SCFD2: variants seen among roughly 807,000 people sequenced by gnomAD.
SCFD2 encodes the protein sec1 family domain containing 2.
Under a neutral mutation model 58.9 loss-of-function variants are expected in SCFD2, and 54 were observed. The observed-to-expected ratio is 0.92, with a 90% CI of 0.74 to 1.15. The LOEUF is 1.15. Among genes scored for constraint, SCFD2 ranks in the 50% most tolerant of loss-of-function variants. SCFD2 has a pLI of 0.00. For missense variants in SCFD2, 805 were observed against 836.6 expected (o/e 0.96, Z 0.47); for synonymous variants, 321 against 335.9 (o/e 0.96, Z 0.49).
chr4:52,996,894 A>G (rs1721752652), intron 5 of SCFD2, among the ~76,000 whole-genome samples: 1 of 152,234 alleles, frequency 6.6e-6, no homozygotes, highest in African/African-American at 2.4e-5. Flanking sequence ...TATTGGAAAC[A>G]CCACTCACTG....
intron 6 of SCFD2, among the ~76,000 whole-genome samples, chr4:52,916,379 C>T (rs181743018): frequency 1.3e-5 from 2 of 152,300 alleles, no homozygotes; most frequent in East Asian, 1.9e-4. Flanking sequence ...AGACCAGCCT[C>T]GCCAACATGG....
intron 5 of SCFD2, among the ~76,000 whole-genome samples, chr4:53,063,200 A>G (rs1437554120): frequency 1.3e-5 from 2 of 152,168 alleles, no homozygotes; most frequent in Non-Finnish European, 2.9e-5. Context: ...TATTTGGAAT[A>G]ATGCCTCTGT....
At chr4:53,239,254 T>G (rs1341358641) in intron 4 of SCFD2, among the ~76,000 whole-genome samples, 4 of 151,450 alleles carry the variant, frequency 2.6e-5, no homozygotes, top group South Asian at 2.1e-4. Flanking sequence ...GCAGGCTGAG[T>G]CAGGAGAGTC....
intron 5 of SCFD2, among the ~76,000 whole-genome samples, chr4:53,026,753 A>G (rs1306398532): frequency 1.3e-5 from 2 of 152,174 alleles, no homozygotes; most frequent in Non-Finnish European, 2.9e-5. Flanking sequence ...CCATTACTTG[A>G]AGGTCACTCT....
intron 2 of SCFD2, among the ~76,000 whole-genome samples, chr4:53,344,017 C>A (rs1218610794): frequency 6.6e-6 from 1 of 152,164 alleles, no homozygotes; most frequent in East Asian, 1.9e-4. Flanking sequence ...AAACTGGAAG[C>A]ATTCCCTTTG....
At chr4:53,248,797 C>A (rs1730225339) in intron 4 of SCFD2, among the ~76,000 whole-genome samples, 1 of 152,190 alleles carries the variant, frequency 6.6e-6, no homozygotes, top group Non-Finnish European at 1.5e-5. Context: ...CACCAAAAAC[C>A]CATCTGTACA....
chr4:53,164,353 C>T (rs987816367), intron 4 of SCFD2, among the ~76,000 whole-genome samples: 1 of 152,104 alleles, frequency 6.6e-6, no homozygotes, highest in African/African-American at 2.4e-5. Context: ...TCAGACTCCC[C>T]TCAGGACAAC....
intron 7 of SCFD2, among the ~76,000 whole-genome samples, chr4:52,890,944 A>ATTTGTGACTCTTTATTT (rs1718865616): frequency 1.3e-5 from 2 of 152,030 alleles, no homozygotes; most frequent in Admixed American, 1.3e-4. Context: ...TCCTCCACTC[A>ATTTGTGACTCTTTATTT]GTTTCTCTTT....
At chr4:53,294,960 G>T (rs1731973301) in intron 3 of SCFD2, among the ~76,000 whole-genome samples, 1 of 151,924 alleles carries the variant, frequency 6.6e-6, no homozygotes, top group African/African-American at 2.4e-5. Flanking sequence ...GATGTGTGGT[G>T]CTATTTCTGA....
chr4:53,176,947 C>CAAAAAAAAAAAAAAAAA (rs3064988), intron 4 of SCFD2, among the ~76,000 whole-genome samples: 2 of 124,704 alleles, frequency 1.6e-5, no homozygotes, highest in Admixed American at 8.1e-5. Flanking sequence ...ACAACAATCT[C>CAAAAAAAAAAAAAAAAA]AAAAAAAAAA....
At chr4:53,220,161 T>TAA (rs1486512599) in intron 4 of SCFD2, among the ~76,000 whole-genome samples, 1 of 152,240 alleles carries the variant, frequency 6.6e-6, no homozygotes, top group Non-Finnish European at 1.5e-5. Flanking sequence ...TTCTTGCTGC[T>TAA]TTTTAGCCCA....
intron 5 of SCFD2, among the ~76,000 whole-genome samples, chr4:52,976,027 G>A (rs1404292086): frequency 8.9e-6 from 1 of 112,848 alleles, no homozygotes; most frequent in East Asian, 3.2e-4. Flanking sequence ...CTGTTGTGGG[G>A]TGGGGGGAGG....
intron 5 of SCFD2, among the ~76,000 whole-genome samples, chr4:53,016,088 T>C (rs1722206042): frequency 6.6e-6 from 1 of 152,052 alleles, no homozygotes; most frequent in African/African-American, 2.4e-5. Flanking sequence ...TCACCTGGGG[T>C]GGAGGAATAA....
intron 5 of SCFD2, among the ~76,000 whole-genome samples, chr4:53,036,365 A>G (rs991324543): frequency 1.3e-5 from 2 of 150,532 alleles, no homozygotes; most frequent in African/African-American, 4.9e-5. Flanking sequence ...AGCTTCATCC[A>G]TGTCCCTGCA....
At chr4:52,886,037 A>G (rs78851438) in intron 7 of SCFD2, among the ~76,000 whole-genome samples, 171 bp from the exon 8 acceptor site, 1 of 152,106 alleles carries the variant, frequency 6.6e-6, no homozygotes, top group Non-Finnish European at 1.5e-5. Context: ...AAACCTGATG[A>G]CAGTTTAAAA....
intron 4 of SCFD2, among the ~76,000 whole-genome samples, chr4:53,248,351 C>T (rs930359103): frequency 4.6e-5 from 7 of 152,202 alleles, no homozygotes; most frequent in East Asian, 1.9e-4. Flanking sequence ...GGGGGAGGGG[C>T]GCCCGCCATT....
At chr4:53,067,687 A>G (rs1723702388) in intron 5 of SCFD2, among the ~76,000 whole-genome samples, 1 of 152,036 alleles carries the variant, frequency 6.6e-6, no homozygotes, top group Non-Finnish European at 1.5e-5. Context: ...CCCTTCTGCC[A>G]TGATTGTAAG....
chr4:53,269,532 C>G (rs950011476), intron 4 of SCFD2, among the ~76,000 whole-genome samples: 2 of 152,100 alleles, frequency 1.3e-5, no homozygotes, highest in African/African-American at 4.8e-5. Context: ...GAATCACTTA[C>G]TATTACTTAT....
chr4:53,190,332 C>A (rs1325282163), intron 4 of SCFD2, among the ~76,000 whole-genome samples: 1 of 152,138 alleles, frequency 6.6e-6, no homozygotes, highest in Non-Finnish European at 1.5e-5. Flanking sequence ...CTCTGTTTGA[C>A]CTCGGCTGTT....
Sources: gnomAD v4.1 joint callset for allele counts (sites outside exome capture counted in the v4.1 genomes callset) on GRCh38, gnomAD v4.1.1 for gene constraint, MANE v1.5 for transcripts, NCBI Gene and HGNC (gene_info 2026-07-23, HGNC 2026-07-21) for gene names.